The following ZFPM2 variants were observed in gnomAD, a reference collection of about 807,000 sequenced individuals.
ZFPM2 encodes the protein zinc finger protein, FOG family member 2.
ZFPM2 carries 20 observed loss-of-function variants against 98.6 expected under a neutral mutation model. The observed-to-expected ratio is 0.20, with a 90% CI of 0.14 to 0.29. The LOEUF (loss-of-function observed/expected upper bound fraction) is 0.29. ZFPM2 is among the 10% of genes least tolerant of loss of function. The pLI is 1.00. For missense variants in ZFPM2, 1,310 were observed against 1,388.6 expected (o/e 0.94, Z 0.90); for synonymous variants, 518 against 502.7 (o/e 1.03, Z -0.41).
At chr8:105,587,634 A>AT (rs112214498) in intron 4 of ZFPM2, among the ~76,000 whole-genome samples, 26,340 of 151,936 alleles carry the variant, frequency 0.17, 2,504 homozygotes, top group Middle Eastern at 0.24. Flanking sequence ...TGAAGAGCAC[A>AT]TTTTTTTTGC....
At chr8:105,643,313 C>T (rs1388679474) in intron 5 of ZFPM2, among the ~76,000 whole-genome samples, 1 of 152,144 alleles carries the variant, frequency 6.6e-6, no homozygotes, top group Non-Finnish European at 1.5e-5. Flanking sequence ...CACTGCATCA[C>T]CATCGTTTTC....
At chr8:105,458,828 A>G (rs1225050355) in intron 3 of ZFPM2, among the ~76,000 whole-genome samples, 1 of 151,874 alleles carries the variant, frequency 6.6e-6, no homozygotes, top group East Asian at 1.9e-4. Context: ...TTTCCAGAAC[A>G]TTATCATATT....
chr8:105,733,624 C>G (rs544743248), intron 5 of ZFPM2, among the ~76,000 whole-genome samples: 1 of 151,772 alleles, frequency 6.6e-6, no homozygotes, highest in South Asian at 2.1e-4. Context: ...AGTAATGATG[C>G]TTATGTTTTA....
chr8:105,567,776 T>C (rs765654148), intron 4 of ZFPM2, among the ~76,000 whole-genome samples: 3 of 152,142 alleles, frequency 2.0e-5, no homozygotes, highest in Non-Finnish European at 2.9e-5. Flanking sequence ...CAATAACTGC[T>C]CTTTAAAATA....
At chr8:105,748,166 G>T (rs905378022) in intron 5 of ZFPM2, among the ~76,000 whole-genome samples, 2 of 151,952 alleles carry the variant, frequency 1.3e-5, no homozygotes, top group African/African-American at 2.4e-5. Context: ...GATAAAAGTT[G>T]GAAAGGATAA....
intron 3 of ZFPM2, among the ~76,000 whole-genome samples, chr8:105,547,666 A>G (rs1814743670): frequency 6.6e-6 from 1 of 151,794 alleles, no homozygotes; most frequent in African/African-American, 2.4e-5. Flanking sequence ...GTGATATATT[A>G]ACATATTTTG....
At chr8:105,547,738 T>C (rs1440659839) in intron 3 of ZFPM2, among the ~76,000 whole-genome samples, 1 of 152,086 alleles carries the variant, frequency 6.6e-6, no homozygotes, top group Non-Finnish European at 1.5e-5. Context: ...TTGACAGATA[T>C]ACATAATTTC....
chr8:105,739,048 G>A (rs1209039269), intron 5 of ZFPM2, among the ~76,000 whole-genome samples: 4 of 151,910 alleles, frequency 2.6e-5, no homozygotes, highest in African/African-American at 9.7e-5. Flanking sequence ...TTGGCAGCAG[G>A]CACACTGACA....
chr8:105,716,306 A>T (rs1642135276), intron 5 of ZFPM2, among the ~76,000 whole-genome samples: 1 of 151,422 alleles, frequency 6.6e-6, no homozygotes, highest in Non-Finnish European at 1.5e-5. Flanking sequence ...ACTGCATTTC[A>T]GAGCAAATAT....
At chr8:105,595,466 A>G (rs867030850) in intron 4 of ZFPM2, among the ~76,000 whole-genome samples, 1 of 152,144 alleles carries the variant, frequency 6.6e-6, no homozygotes, top group Admixed American at 6.6e-5. Flanking sequence ...ACTGTCTCAG[A>G]TGCCCACAGA....
chr8:105,335,257 G>A (rs1488821858), intron 1 of ZFPM2, among the ~76,000 whole-genome samples: 2 of 151,662 alleles, frequency 1.3e-5, no homozygotes, highest in African/African-American at 2.4e-5. Flanking sequence ...TAACCGTGGA[G>A]TCTCTTAGCA....
intron 5 of ZFPM2, among the ~76,000 whole-genome samples, chr8:105,687,373 G>C (rs1810765137): frequency 6.6e-6 from 1 of 152,118 alleles, no homozygotes; most frequent in Admixed American, 6.5e-5. Flanking sequence ...ATTTGTAAGA[G>C]AATCTTGTCA....
At chr8:105,702,632 G>A (rs1586207834) in intron 5 of ZFPM2, among the ~76,000 whole-genome samples, 1 of 152,164 alleles carries the variant, frequency 6.6e-6, no homozygotes, top group Admixed American at 6.5e-5. Context: ...GTTTCAGTGT[G>A]GTAAATAAAG....
At chr8:105,731,339 A>G (rs1811932438) in intron 5 of ZFPM2, among the ~76,000 whole-genome samples, 1 of 151,344 alleles carries the variant, frequency 6.6e-6, no homozygotes, top group Non-Finnish European at 1.5e-5. Flanking sequence ...ATAAAACAAT[A>G]TTTGCCCATT....
intron 5 of ZFPM2, among the ~76,000 whole-genome samples, chr8:105,757,033 T>A (rs2131064433): frequency 6.6e-6 from 1 of 152,280 alleles, no homozygotes; most frequent in South Asian, 2.1e-4. Flanking sequence ...TGACAGAATT[T>A]TTCACTACCC....
chr8:105,321,601 T>A (rs1197199024), intron 1 of ZFPM2, among the ~76,000 whole-genome samples: 1 of 151,624 alleles, frequency 6.6e-6, no homozygotes, highest in African/African-American at 2.4e-5. Flanking sequence ...TGGGCACAGT[T>A]TTTTTTTTCT....
chr8:105,325,738 G>A (rs939878529), intron 1 of ZFPM2, among the ~76,000 whole-genome samples: 1 of 151,482 alleles, frequency 6.6e-6, no homozygotes, highest in African/African-American at 2.4e-5. Context: ...ATGCCGAGAG[G>A]CTTGTCTGAG....
chr8:105,568,919 A>AT (rs1297914362), intron 4 of ZFPM2, among the ~76,000 whole-genome samples: 7 of 151,356 alleles, frequency 4.6e-5, no homozygotes, highest in Non-Finnish European at 1.0e-4. Context: ...CTGAATGTCC[A>AT]TTTTTTTTCC....
At chr8:105,731,879 G>A (rs1054646110) in intron 5 of ZFPM2, among the ~76,000 whole-genome samples, 1 of 151,812 alleles carries the variant, frequency 6.6e-6, no homozygotes, top group Admixed American at 6.6e-5. Flanking sequence ...AAGCTAAGAT[G>A]TCTGTTTGTT....
Sources: allele counts gnomAD v4.1 joint callset (sites outside exome capture counted in the v4.1 genomes callset), GRCh38; gene constraint gnomAD v4.1.1; transcripts MANE v1.5; gene names NCBI Gene and HGNC (gene_info 2026-07-23, HGNC 2026-07-21).